The following HPSE2 variants were observed in gnomAD, a reference collection of about 807,000 sequenced individuals.
HPSE2 encodes heparanase 2 (inactive), also known as inactive heparanase-2.
HPSE2 carries 38 observed loss-of-function variants against 60.5 expected under a neutral mutation model. The observed-to-expected ratio is 0.63, with a 90% CI of 0.48 to 0.82. The LOEUF (loss-of-function observed/expected upper bound fraction) is 0.82. HPSE2 is among the 40% of genes least tolerant of loss of function. The probability of loss-of-function intolerance (pLI) is 0.00; values close to 1 mark genes in which losing one functional copy is unlikely to be tolerated. For missense variants in HPSE2, 713 were observed against 740.4 expected (o/e 0.96, Z 0.43); for synonymous variants, 295 against 293.2 (o/e 1.01, Z -0.06).
At chr10:99,182,553 T>G (rs892961493) in intron 2 of HPSE2, among the ~76,000 whole-genome samples, 12 of 152,202 alleles carry the variant, frequency 7.9e-5, no homozygotes, top group African/African-American at 2.7e-4. Context: ...GTAATGATTA[T>G]TTTATGATGG....
chr10:98,468,297 G>A (rs1473935952), intron 11 of HPSE2, among the ~76,000 whole-genome samples: 9 of 152,338 alleles, frequency 5.9e-5, no homozygotes, highest in Middle Eastern at 6.8e-3. Flanking sequence ...GGCCCCTGCA[G>A]GTGGTGTCGC....
At chr10:98,858,909 CTA>C (rs1176313004) in intron 3 of HPSE2, among the ~76,000 whole-genome samples, 1 of 152,090 alleles carries the variant, frequency 6.6e-6, no homozygotes, top group African/African-American at 2.4e-5. Flanking sequence ...TAACTCCAGC[CTA>C]TCATCTGTGT....
rs547476399 is a variant in HPSE2 at position 98,576,019 on chromosome 10, T to C, written c.1320+38885A>G. 3.9e-5 allele frequency among the ~76,000 whole-genome samples: 6 copies of C among 152,296 alleles called. No individual in the cohort carries two copies. The East Asian group carries it at 1.2e-3, about 29-fold the overall frequency. ...TTTATTGTCACTATTTAGCTAAAAA[T>C]TGAAATTGATTCTTTTGTTTCTGAG... On this transcript the variant is annotated intron_variant, in intron 9 of 11. Coordinates refer to ENST00000370552, the MANE Select transcript of HPSE2 (RefSeq NM_021828.5).
At chr10:99,120,750 G>T (rs1844918888) in intron 3 of HPSE2, among the ~76,000 whole-genome samples, 1 of 152,148 alleles carries the variant, frequency 6.6e-6, no homozygotes, top group African/African-American at 2.4e-5. Context: ...GGGATTACAG[G>T]CATGAGCCAC....
At chr10:99,280,281 G>C in the HPSE2 span, among the ~76,000 whole-genome samples, 5 of 152,182 alleles carry the variant, frequency 3.3e-5, no homozygotes, top group Non-Finnish European at 5.9e-5. Context: ...TGTAAAGAAG[G>C]ATTCAGTATG....
At chr10:98,943,568 C>A (rs1328557290) in intron 3 of HPSE2, among the ~76,000 whole-genome samples, 1 of 152,058 alleles carries the variant, frequency 6.6e-6, no homozygotes, top group East Asian at 1.9e-4. Flanking sequence ...TGGTGTGTCA[C>A]TTCCAAGACT....
chr10:99,072,894 A>C (rs1358716999), intron 3 of HPSE2, among the ~76,000 whole-genome samples: 2 of 135,310 alleles, frequency 1.5e-5, no homozygotes, highest in African/African-American at 5.8e-5. Context: ...GCGCCACTGC[A>C]CTCCAGCCTG....
intron 3 of HPSE2, among the ~76,000 whole-genome samples, chr10:98,821,550 G>C (rs542203461): frequency 6.6e-6 from 1 of 152,286 alleles, no homozygotes; most frequent in East Asian, 1.9e-4. Flanking sequence ...CTGCACTGCT[G>C]ATGGCTACTT....
At chr10:98,542,791 A>G (rs1436028636) in intron 9 of HPSE2, among the ~76,000 whole-genome samples, 3 of 152,208 alleles carry the variant, frequency 2.0e-5, no homozygotes, top group Non-Finnish European at 2.9e-5. Flanking sequence ...AAGAATAAAA[A>G]GAAACGAGCA....
At chr10:98,792,788 T>C (rs1267737131) in intron 3 of HPSE2, among the ~76,000 whole-genome samples, 8 of 152,220 alleles carry the variant, frequency 5.3e-5, no homozygotes, top group Non-Finnish European at 1.2e-4. Flanking sequence ...CCACGAAGAC[T>C]GGCCCTTACC....
At chr10:99,155,800 T>C (rs1488466367) in intron 2 of HPSE2, among the ~76,000 whole-genome samples, 1,661 of 149,542 alleles carry the variant, frequency 0.011, 27 homozygotes, top group African/African-American at 0.038. Flanking sequence ...CTTCAAAAAA[T>C]TAATGAATCC....
intron 3 of HPSE2, among the ~76,000 whole-genome samples, chr10:98,896,101 G>GA (rs572586473): frequency 1.4e-3 from 207 of 146,960 alleles, no homozygotes; most frequent in African/African-American, 3.9e-3. Flanking sequence ...TTAAAAAAAA[G>GA]AAAAAAAAAA....
intron 7 of HPSE2, among the ~76,000 whole-genome samples, chr10:98,629,506 G>T (rs754847448): frequency 6.6e-6 from 1 of 152,062 alleles, no homozygotes; most frequent in Non-Finnish European, 1.5e-5. Flanking sequence ...TCCTTCTTTT[G>T]TGTTTTTTGA....
intron 9 of HPSE2, among the ~76,000 whole-genome samples, chr10:98,554,987 T>C (rs1943963361): frequency 1.3e-5 from 2 of 152,244 alleles, no homozygotes; most frequent in Non-Finnish European, 2.9e-5. Flanking sequence ...TGTGAAATTG[T>C]GGTTTCATTG....
At chr10:98,710,989 G>A (rs1478129166) in intron 5 of HPSE2, among the ~76,000 whole-genome samples, 1 of 152,072 alleles carries the variant, frequency 6.6e-6, no homozygotes, top group Admixed American at 6.6e-5. Context: ...ACAATGTCTG[G>A]AACAAGATAG....
intron 2 of HPSE2, among the ~76,000 whole-genome samples, chr10:99,152,918 G>A (rs563758995): frequency 2.3e-4 from 35 of 152,366 alleles, no homozygotes; most frequent in African/African-American, 8.4e-4. Context: ...CCGAAGCAGG[G>A]CGAGGCATTG....
At chr10:98,746,660 T>G (rs187741059) in intron 3 of HPSE2, among the ~76,000 whole-genome samples, 6 of 152,050 alleles carry the variant, frequency 3.9e-5, no homozygotes, top group Non-Finnish European at 5.9e-5. Flanking sequence ...TCAATCATAG[T>G]TGTCTAAAAT....
chr10:98,685,037 G>A (rs1947877732), intron 6 of HPSE2, among the ~76,000 whole-genome samples: 1 of 152,088 alleles, frequency 6.6e-6, no homozygotes, highest in African/African-American at 2.4e-5. Context: ...TTCAAAGTGG[G>A]AAGAATTGTA....
chr10:99,173,230 G>A lies in HPSE2; in HGVS notation c.449-28831C>T, dbSNP rs781458523. On this transcript the variant is annotated intron_variant, in intron 2 of 11. Coordinates refer to ENST00000370552, the MANE Select transcript of HPSE2 (RefSeq NM_021828.5). ...AGTCTGTTCACTAGAATAACATCCC[G>A]TCATAGTATACTGCTATGCTCTAAT... Among the ~76,000 whole-genome samples the A allele has an allele frequency of 1.4e-4, 21 of 152,140 alleles. No individual in the cohort carries two copies. In the South Asian group the frequency reaches 1.5e-3, roughly 11 times the overall value.
Sources: gnomAD v4.1 joint callset for allele counts (sites outside exome capture counted in the v4.1 genomes callset) on GRCh38, gnomAD v4.1.1 for gene constraint, MANE v1.5 for transcripts, NCBI Gene and HGNC (gene_info 2026-07-23, HGNC 2026-07-21) for gene names.